The following RAB6A variants were observed in gnomAD, a reference collection of about 807,000 sequenced individuals.
RAB6A encodes RAB6A, member RAS oncogene family, also known as ras-related protein Rab-6A.
RAB6A carries 8 observed loss-of-function variants against 32.3 expected under a neutral mutation model. That is an observed-to-expected ratio of 0.25 (90% CI 0.15 to 0.45). The LOEUF (loss-of-function observed/expected upper bound fraction) is 0.45. RAB6A is among the 20% of genes least tolerant of loss of function. The pLI, the probability that RAB6A is intolerant of heterozygous loss-of-function variation, is 1.00. For synonymous variants in RAB6A, 73 were observed against 82.1 expected, an observed-to-expected ratio of 0.89 and a Z score of 0.60; for missense variants, 104 against 249.4, an observed-to-expected ratio of 0.42 and a Z score of 3.93.
Position 73,714,097 on chromosome 11 carries a change from C to T in RAB6A, c.401+2154G>A, listed in dbSNP as rs1946009856. 2.0e-5 allele frequency among the ~76,000 whole-genome samples: 3 copies of T among 147,700 alleles called. No homozygotes were observed. In the Admixed American group the frequency reaches 2.1e-4, roughly 10 times the overall value. ...ATTCCAGCTACTCGGGAGGCTGAGG[C>T]AGGAGAATCACTTAAGCCTGGGAGA... On this transcript the variant is annotated intron_variant, in intron 5 of 7. Transcript: ENST00000336083.
chr11:73,731,666 G>GAGAT, intron 1 of RAB6A, among the ~76,000 whole-genome samples: 1 of 140,162 alleles, frequency 7.1e-6, no homozygotes, highest in Non-Finnish European at 1.5e-5. Flanking sequence ...TTTGTATTGT[G>GAGAT]AGATAGATAG....
Position 73,676,956 on chromosome 11 carries a change from A to G in RAB6A, c.*942T>C, listed in dbSNP as rs1945277516. 6.0e-6 allele frequency: 1 copy of G among 166,764 alleles called. No individual in the cohort carries two copies. The highest frequency in any genetic ancestry group is 1.5e-5 in the Non-Finnish European group (1 of 68,124). The allele number at this position is 166,764 out of a possible 1,614,324, so 10.3% of individuals were successfully genotyped here. On this transcript the variant is annotated 3_prime_UTR_variant, in exon 8 of 8. Transcript: ENST00000336083. ...CTGCACAGTATTATGTTTTTAAAAA[A>G]GAAAACCCAAGCAAAATCTATTGCT...
chr11:73,718,436 T>C (rs192787344), intron 4 of RAB6A, among the ~76,000 whole-genome samples, 177 bp downstream of exon 4: 1 of 152,266 alleles, frequency 6.6e-6, no homozygotes, highest in Non-Finnish European at 1.5e-5. Context: ...CAGTTACATA[T>C]AAAGCATATT....
intron 6 of RAB6A, among the ~76,000 whole-genome samples, chr11:73,691,735 C>T (rs1181403524): frequency 2.0e-5 from 3 of 152,028 alleles, no homozygotes; most frequent in Non-Finnish European, 4.4e-5. Flanking sequence ...CCGAGGCAGG[C>T]GGATGACCTG....
intron 6 of RAB6A, among the ~76,000 whole-genome samples, chr11:73,699,201 T>G (rs1945703522): frequency 6.6e-6 from 1 of 151,806 alleles, no homozygotes; most frequent in South Asian, 2.1e-4. Context: ...TCTAACTATA[T>G]GTGATATCAT....
chr11:73,732,724 T>C (rs1946335443), intron 1 of RAB6A, among the ~76,000 whole-genome samples: 1 of 152,158 alleles, frequency 6.6e-6, no homozygotes, highest in African/African-American at 2.4e-5. Flanking sequence ...TGCACCACTG[T>C]ACTACAGTCT....
At chr11:73,717,642 T>A (rs556656262) in intron 4 of RAB6A, among the ~76,000 whole-genome samples, 16 of 152,144 alleles carry the variant, frequency 1.1e-4, no homozygotes, top group African/African-American at 3.6e-4. Context: ...TGGAGTTTCA[T>A]CACGTTGGTC....
intron 7 of RAB6A, 63 bp downstream of exon 7, chr11:73,679,591 G>C (rs1945321211): frequency 2.5e-6 from 4 of 1,583,928 alleles, no homozygotes; most frequent in Non-Finnish European, 3.5e-6. Context: ...CTTTAGCCAA[G>C]CAAGCAGGGC....
intron 2 of RAB6A, among the ~76,000 whole-genome samples, chr11:73,721,441 T>C (rs1018882689): frequency 6.6e-6 from 1 of 152,214 alleles, no homozygotes; most frequent in Non-Finnish European, 1.5e-5. Context: ...TTTTCCTCTG[T>C]ACCACACAAT....
At chr11:73,748,457 A>G (rs1237540375) in intron 1 of RAB6A, among the ~76,000 whole-genome samples, 1 of 152,196 alleles carries the variant, frequency 6.6e-6, no homozygotes, top group Non-Finnish European at 1.5e-5. Context: ...GGTTACAGTG[A>G]GCTATGGCTG....
Position 73,675,750 on chromosome 11 carries a change from A to G in RAB6A, c.*2148T>C, listed in dbSNP as rs1945262345. On this transcript the variant is annotated 3_prime_UTR_variant, in exon 8 of 8. Coordinates refer to ENST00000336083, the MANE Select transcript of RAB6A (RefSeq NM_198896.2). The stretch of plus-strand genomic sequence containing the variant: ...TGCTTTGAAGAACTCCAAGCCAAAT[A>G]AAAAGACCAATCAATATTAAAAGCA... 3.1e-5 allele frequency: 5 copies of G among 163,230 alleles called. No individual in the cohort carries two copies. Among genetic ancestry groups the G allele is most frequent in the Non-Finnish European group, 5.9e-5 (4 of 68,104 alleles). The allele number at this position is 163,230 out of a possible 1,614,324, so 10.1% of individuals were successfully genotyped here.
Position 73,677,638 on chromosome 11 carries a change from A to C in RAB6A, c.*260T>G, listed in dbSNP as rs1021108480. The C allele has an allele frequency of 6.1e-5, 53 of 867,056 alleles. No homozygotes were observed. The highest frequency in any genetic ancestry group is 7.8e-5 in the Non-Finnish European group (45 of 577,604). 53.7% of individuals were successfully genotyped at this position (867,056 alleles called of 1,614,324 possible). A position where few individuals can be genotyped will look rare whatever the true frequency, so the allele number is the denominator to read the frequency against. On this transcript the variant is annotated 3_prime_UTR_variant, in exon 8 of 8. Coordinates refer to ENST00000336083, the MANE Select transcript of RAB6A (RefSeq NM_198896.2). ...TAAAAAAGAAAAAAATGTTAAGAAA[A>C]TGTATCTAATTTTTAAAGTTATCAC... is the stretch of plus-strand genomic sequence containing the variant.
At chr11:73,752,637 G>A (rs1488066114) in intron 1 of RAB6A, among the ~76,000 whole-genome samples, 1 of 152,064 alleles carries the variant, frequency 6.6e-6, no homozygotes, top group African/African-American at 2.4e-5. Flanking sequence ...GGGCAACATG[G>A]CAAAACGCCA....
chr11:73,735,943 G>C (rs1379715306), intron 1 of RAB6A, among the ~76,000 whole-genome samples: 1 of 107,502 alleles, frequency 9.3e-6, no homozygotes, highest in African/African-American at 3.2e-5. Flanking sequence ...AAAAAAGAGA[G>C]AGAGAGACAG....
chr11:73,752,970 A>C (rs1329379494), intron 1 of RAB6A, among the ~76,000 whole-genome samples: 3 of 152,212 alleles, frequency 2.0e-5, no homozygotes, highest in Non-Finnish European at 4.4e-5. Context: ...TAAAAAGTCC[A>C]AGCCAGGTGA....
chr11:73,757,741 G>C (rs1267858371), intron 1 of RAB6A, among the ~76,000 whole-genome samples: 1 of 152,088 alleles, frequency 6.6e-6, no homozygotes, highest in Non-Finnish European at 1.5e-5. Context: ...ACAATCAAAT[G>C]ATGTAAGTTT....
intron 6 of RAB6A, among the ~76,000 whole-genome samples, chr11:73,689,476 G>A (rs532888718): frequency 4.6e-5 from 7 of 152,278 alleles, no homozygotes; most frequent in South Asian, 4.1e-4. Context: ...AACAGGCCAC[G>A]GACCAGTATT....
At chr11:73,684,173 T>G (rs1016265975) in intron 6 of RAB6A, among the ~76,000 whole-genome samples, 32 of 151,278 alleles carry the variant, frequency 2.1e-4, no homozygotes, top group Admixed American at 2.0e-3. Context: ...TTGTTGTTTT[T>G]TTTTTTTTTC....
In RAB6A at chr11:73,760,579, C is replaced by T. The variant is rs775068777; in HGVS notation, c.57G>A (p.Leu19=). The change falls in exon 1 of 8, where the codon CTG becomes CTA. Residue 19 remains leucine (L), a synonymous_variant. Coordinates refer to ENST00000336083, the MANE Select transcript of RAB6A (RefSeq NM_198896.2). ...NPLRKFKLVF[L]GEQSVGKTSL... ...CCACGCACTCACCGCTTTGCTCCCC[C>T]AGGAACACCAGCTTGAATTTCCTCA... The T allele has an allele frequency of 2.0e-5, 32 of 1,610,184 alleles. No homozygotes were observed. Among genetic ancestry groups the T allele is most frequent in the Non-Finnish European group, 2.6e-5 (31 of 1,178,442 alleles).
Sources: allele counts gnomAD v4.1 joint callset (sites outside exome capture counted in the v4.1 genomes callset), GRCh38; gene constraint gnomAD v4.1.1; transcripts MANE v1.5; gene names NCBI Gene and HGNC (gene_info 2026-07-23, HGNC 2026-07-21).